The following MEOX2 variants were observed in gnomAD, a reference collection of about 807,000 sequenced individuals.
MEOX2 encodes the protein homeobox protein MOX-2.
A neutral mutation model predicts 27.0 loss-of-function variants in MEOX2; 11 were observed. That is an observed-to-expected ratio of 0.41 (90% CI 0.26 to 0.68). The LOEUF (loss-of-function observed/expected upper bound fraction) is 0.68, where lower values mean the gene tolerates loss of function less well. MEOX2 is among the 30% of genes least tolerant of loss of function. The pLI is 0.33. For synonymous variants in MEOX2, 189 were observed against 155.4 expected (o/e 1.22, Z -1.61); for missense variants, 436 against 385.4 (o/e 1.13, Z -1.10).
At chr7:15,684,187 A>G (rs1249064122) in intron 1 of MEOX2, among the ~76,000 whole-genome samples, 1 of 152,154 alleles carries the variant, frequency 6.6e-6, no homozygotes, top group African/African-American at 2.4e-5. Context: ...TAGGTTTCTC[A>G]TTGCAAGAAA....
intron 1 of MEOX2, among the ~76,000 whole-genome samples, chr7:15,628,259 A>G (rs555974431): frequency 6.6e-6 from 1 of 152,220 alleles, no homozygotes; most frequent in South Asian, 2.1e-4. Context: ...TGAACTAAAG[A>G]GGACCCTGCA....
At chr7:15,666,155 A>G (rs1782001283) in intron 1 of MEOX2, among the ~76,000 whole-genome samples, 2 of 152,202 alleles carry the variant, frequency 1.3e-5, no homozygotes, top group African/African-American at 4.8e-5. Flanking sequence ...AAAGTCACAT[A>G]ACTTGTTTCA....
chr7:15,633,971 T>C (rs1441445623), intron 1 of MEOX2, among the ~76,000 whole-genome samples: 1 of 151,966 alleles, frequency 6.6e-6, no homozygotes, highest in African/African-American at 2.4e-5. Context: ...AGGAAAAGTA[T>C]CATTTATTAT....
intron 1 of MEOX2, among the ~76,000 whole-genome samples, chr7:15,641,415 T>G (rs1474962560): frequency 6.6e-6 from 1 of 152,144 alleles, no homozygotes; most frequent in Non-Finnish European, 1.5e-5. Flanking sequence ...GAAGTCTGTT[T>G]TATCAAACAC....
chr7:15,628,918 G>A (rs1430020976), intron 1 of MEOX2, among the ~76,000 whole-genome samples: 1 of 152,078 alleles, frequency 6.6e-6, no homozygotes, highest in Non-Finnish European at 1.5e-5. Flanking sequence ...CTTCTCACAA[G>A]CATCCACGTT....
In MEOX2 at chr7:15,686,055, C is replaced by CT; in HGVS notation, c.347_348insA (p.Pro117AlafsTer87). ...GCGGGCTGCTCCCCAACTCTGGGGG[C>CT]CCTCCAGAGTCGGGCTGGAGGCAGA... On this transcript the variant is annotated frameshift_variant, in exon 1 of 3. Coordinates refer to ENST00000262041, the MANE Select transcript of MEOX2 (RefSeq NM_005924.5). LOFTEE classifies it high-confidence loss of function. 1 of 1,602,368 alleles carries CT rather than the reference C, an allele frequency of 6.2e-7. No homozygotes were observed. The highest frequency in any genetic ancestry group is 8.5e-7 in the Non-Finnish European group (1 of 1,177,096).
At chr7:15,653,153 C>T (rs916703766) in intron 1 of MEOX2, among the ~76,000 whole-genome samples, 5 of 124,736 alleles carry the variant, frequency 4.0e-5, no homozygotes, top group Non-Finnish European at 9.1e-5. Flanking sequence ...GTTAGAATCA[C>T]CATTTTTCAA....
chr7:15,637,641 G>A (rs1781502049), intron 1 of MEOX2, among the ~76,000 whole-genome samples: 1 of 151,866 alleles, frequency 6.6e-6, no homozygotes, highest in Admixed American at 6.6e-5. Context: ...GTTTTTCATT[G>A]ATTAAACAGA....
chr7:15,615,784 A>G (rs1423019090), intron 2 of MEOX2, among the ~76,000 whole-genome samples: 4 of 152,076 alleles, frequency 2.6e-5, no homozygotes, highest in Non-Finnish European at 5.9e-5. Context: ...TGGAAGAAAT[A>G]CATATGTCAT....
chr7:15,635,377 A>G (rs1273133529), intron 1 of MEOX2, among the ~76,000 whole-genome samples: 1 of 152,030 alleles, frequency 6.6e-6, no homozygotes, highest in East Asian at 1.9e-4. Flanking sequence ...GAAACCTAAA[A>G]TACTCAAACA....
intron 1 of MEOX2, among the ~76,000 whole-genome samples, chr7:15,684,687 T>C (rs1355511939): frequency 1.3e-5 from 2 of 152,176 alleles, no homozygotes; most frequent in Non-Finnish European, 2.9e-5. Flanking sequence ...CAAACCAACA[T>C]ATGGGATTAC....
At chr7:15,639,253 T>C (rs1006803025) in intron 1 of MEOX2, among the ~76,000 whole-genome samples, 1 of 152,128 alleles carries the variant, frequency 6.6e-6, no homozygotes, top group African/African-American at 2.4e-5. Context: ...TTTTCATATG[T>C]TTATTAGCAA....
At chr7:15,684,078 C>T (rs1019421881) in intron 1 of MEOX2, among the ~76,000 whole-genome samples, 1 of 152,118 alleles carries the variant, frequency 6.6e-6, no homozygotes, top group African/African-American at 2.4e-5. Flanking sequence ...TCTCAGTTTT[C>T]CCCAAACAAA....
intron 1 of MEOX2, among the ~76,000 whole-genome samples, chr7:15,655,097 G>T (rs1171690858): frequency 4.0e-5 from 6 of 151,342 alleles, no homozygotes; most frequent in Non-Finnish European, 8.9e-5. Flanking sequence ...TTCATATTGG[G>T]TGAATTGCAC....
intron 1 of MEOX2, among the ~76,000 whole-genome samples, chr7:15,676,995 T>G (rs1403350960): frequency 1.3e-5 from 2 of 152,134 alleles, no homozygotes; most frequent in African/African-American, 4.8e-5. Context: ...AAAGAGGCTG[T>G]GGAATGGAAA....
intron 1 of MEOX2, among the ~76,000 whole-genome samples, chr7:15,644,474 A>G (rs1252541925): frequency 6.6e-6 from 1 of 152,196 alleles, no homozygotes; most frequent in East Asian, 1.9e-4. Flanking sequence ...TATGCCTGAA[A>G]CAGAGGAGGA....
intron 1 of MEOX2, among the ~76,000 whole-genome samples, chr7:15,671,869 C>T (rs900575598): frequency 3.3e-5 from 5 of 151,968 alleles, no homozygotes; most frequent in Admixed American, 2.6e-4. Flanking sequence ...CCAGCCTGGC[C>T]AATATGGTCT....
intron 1 of MEOX2, among the ~76,000 whole-genome samples, chr7:15,653,374 G>A (rs56102391): frequency 0.025 from 3,841 of 151,920 alleles, 161 homozygotes; most frequent in African/African-American, 0.087. Flanking sequence ...TATTTTTGAT[G>A]TTCGTCCTTT....
intron 2 of MEOX2, among the ~76,000 whole-genome samples, chr7:15,622,502 A>C (rs1414873680): frequency 6.6e-6 from 1 of 152,192 alleles, no homozygotes; most frequent in Non-Finnish European, 1.5e-5. Flanking sequence ...ATATGAGGTT[A>C]GATGTAATAT....
Sources: gnomAD v4.1 joint callset for allele counts (sites outside exome capture counted in the v4.1 genomes callset) on GRCh38, gnomAD v4.1.1 for gene constraint, MANE v1.5 for transcripts, NCBI Gene and HGNC (gene_info 2026-07-23, HGNC 2026-07-21) for gene names.